The following TASP1 variants were observed in gnomAD, a reference collection of about 807,000 sequenced individuals.
The protein encoded by TASP1 is taspase 1.
In TASP1, 16 loss-of-function variants were observed where a neutral mutation model predicts 56.6. The ratio of observed to expected loss-of-function variants is 0.28; its 90% confidence interval spans 0.19 to 0.43. TASP1 has a LOEUF of 0.43. Among genes scored for constraint, TASP1 ranks in the 20% least tolerant of loss-of-function variants. The pLI is 1.00. For synonymous variants in TASP1, 179 were observed against 184.2 expected (o/e 0.97, Z 0.23); for missense variants, 393 against 511.6 (o/e 0.77, Z 2.24).
rs1049512457 is a variant in TASP1, at chr20:13,636,003, C to T, written c.-75+2891G>A. ...TTGCTGTGGTGTTAAAGTTTTTCAC[C>T]GTAGGTTTGCTTATTCTTTAAGAAG... On this transcript the variant is annotated intron_variant, in intron 1 of 13. Coordinates refer to ENST00000337743, the MANE Select transcript of TASP1 (RefSeq NM_017714.3). 3.3e-5 allele frequency among the ~76,000 whole-genome samples: 5 copies of T among 151,996 alleles called. No individual in the cohort carries two copies. In the South Asian group the frequency reaches 6.2e-4, roughly 19 times the overall value.
the TASP1 span, chr20:13,279,762 C>A: frequency 6.2e-7 from 1 of 1,614,034 alleles, no homozygotes; most frequent in Non-Finnish European, 8.5e-7. Flanking sequence ...TGTCCTTGGC[C>A]AGGGCAAACA....
chr20:13,598,523 A>C (rs1386592090), intron 4 of TASP1, among the ~76,000 whole-genome samples: 1 of 152,200 alleles, frequency 6.6e-6, no homozygotes, highest in Admixed American at 6.5e-5. Flanking sequence ...ACCTTATATA[A>C]AAATTAATTC....
the TASP1 span, among the ~76,000 whole-genome samples, chr20:13,225,135 G>C: frequency 7.6e-4 from 116 of 151,650 alleles, 1 homozygote; most frequent in East Asian, 6.8e-3. Flanking sequence ...TTACAGGCGT[G>C]AGCCACCGCG....
chr20:13,261,977 C>G, the TASP1 span, among the ~76,000 whole-genome samples: 5 of 152,178 alleles, frequency 3.3e-5, no homozygotes, highest in Admixed American at 3.3e-4. Context: ...AGATGTTCGC[C>G]TTCTGGTGTC....
intron 11 of TASP1, among the ~76,000 whole-genome samples, chr20:13,440,228 A>G (rs1389740198): frequency 6.6e-6 from 1 of 152,226 alleles, no homozygotes; most frequent in Non-Finnish European, 1.5e-5. Flanking sequence ...AAAGCTCTAC[A>G]AAGTCTCAAA....
chr20:13,579,360 G>C (rs1469199898), intron 6 of TASP1, among the ~76,000 whole-genome samples: 2 of 152,042 alleles, frequency 1.3e-5, no homozygotes, highest in Non-Finnish European at 2.9e-5. Context: ...CATTAGAGAA[G>C]CAAGTGTAAG....
chr20:13,564,099 C>A (rs2046436415), intron 7 of TASP1, among the ~76,000 whole-genome samples: 1 of 151,928 alleles, frequency 6.6e-6, no homozygotes, highest in African/African-American at 2.4e-5. Flanking sequence ...GGCAATTAGG[C>A]AAGGAAAAGA....
rs766496099 is a variant in TASP1, at chr20:13,562,874, CA to C, written c.569-3761del. Among the ~76,000 whole-genome samples, 841 of 88,362 alleles carry C rather than the reference CA, an allele frequency of 9.5e-3. 4 individuals are homozygous for C. Among genetic ancestry groups the C allele is most frequent in the African/African-American group, 0.025 (596 of 24,080 alleles). The allele number at this position is 88,362 out of a possible 152,430, so 58.0% of individuals were successfully genotyped here. A position where few individuals can be genotyped will look rare whatever the true frequency, so the allele number is the denominator to read the frequency against. ...CCTGGTCAAGAGCAAGACCTTGTCT[CA>C]AAAAAAAAAAAAAAATTATATCTCT... On this transcript the variant is annotated intron_variant, in intron 7 of 13. Transcript: ENST00000337743.
the TASP1 span, among the ~76,000 whole-genome samples, chr20:13,261,072 A>G: frequency 1.3e-5 from 2 of 152,160 alleles, no homozygotes; most frequent in Non-Finnish European, 2.9e-5. Context: ...CTAAGGCACA[A>G]GTGCTTTTCA....
the TASP1 span, among the ~76,000 whole-genome samples, chr20:13,263,301 T>A: frequency 1.3e-5 from 2 of 152,232 alleles, no homozygotes; most frequent in East Asian, 3.9e-4. Flanking sequence ...GGCTGCCTCT[T>A]TCCAACACTT....
chr20:13,133,409 T>C, the TASP1 span, among the ~76,000 whole-genome samples: 1 of 152,104 alleles, frequency 6.6e-6, no homozygotes, highest in African/African-American at 2.4e-5. Flanking sequence ...CATTAATGGC[T>C]TGTGGATTTC....
intron 13 of TASP1, among the ~76,000 whole-genome samples, chr20:13,414,452 G>T (rs2042186953): frequency 6.6e-6 from 1 of 152,126 alleles, no homozygotes; most frequent in Non-Finnish European, 1.5e-5. Context: ...GAAGTCTGTG[G>T]AGAGACACTT....
At chr20:13,276,502 G>T in the TASP1 span, among the ~76,000 whole-genome samples, 15 of 152,186 alleles carry the variant, frequency 9.9e-5, no homozygotes, top group African/African-American at 3.6e-4. Flanking sequence ...TCTTGGAGCT[G>T]GGGAGATTGT....
the TASP1 span, among the ~76,000 whole-genome samples, chr20:13,117,147 G>A: frequency 6.6e-6 from 1 of 152,192 alleles, no homozygotes; most frequent in Non-Finnish European, 1.5e-5. Flanking sequence ...AATGACTATA[G>A]GGTAATTTAA....
chr20:13,509,129 G>C (rs2044235577), intron 10 of TASP1, among the ~76,000 whole-genome samples: 1 of 116,928 alleles, frequency 8.6e-6, no homozygotes, highest in South Asian at 2.7e-4. Context: ...AAGAAAGTGT[G>C]TGTGTGTGTG....
intron 11 of TASP1, among the ~76,000 whole-genome samples, chr20:13,470,691 A>C (rs2044456017): frequency 6.6e-6 from 1 of 152,190 alleles, no homozygotes; most frequent in African/African-American, 2.4e-5. Context: ...AAGTTGATGG[A>C]TATCAGTCAC....
chr20:13,246,844 C>T, the TASP1 span, among the ~76,000 whole-genome samples: 1 of 152,128 alleles, frequency 6.6e-6, no homozygotes, highest in South Asian at 2.1e-4. Context: ...AATTTAGAGT[C>T]ACTTGATAAC....
downstream of TASP1, among the ~76,000 whole-genome samples, chr20:13,385,795 G>A (rs541127711): frequency 2.0e-5 from 3 of 152,340 alleles, no homozygotes; most frequent in East Asian, 3.9e-4. Flanking sequence ...CAAAAACTGC[G>A]AAACACATAT....
At chr20:13,512,054 C>T (rs1394683240) in intron 10 of TASP1, among the ~76,000 whole-genome samples, 2 of 152,016 alleles carry the variant, frequency 1.3e-5, no homozygotes, top group African/African-American at 4.8e-5. Flanking sequence ...CAAATAGTGC[C>T]GCAATATACA....
Sources: allele counts gnomAD v4.1 joint callset (sites outside exome capture counted in the v4.1 genomes callset), GRCh38; gene constraint gnomAD v4.1.1; transcripts MANE v1.5; gene names NCBI Gene and HGNC (gene_info 2026-07-23, HGNC 2026-07-21).